SEMA3D: variants seen among roughly 807,000 people sequenced by gnomAD.
SEMA3D encodes semaphorin-3D.
SEMA3D carries 84 observed loss-of-function variants against 100.1 expected under a neutral mutation model. That is an observed-to-expected ratio of 0.84 (90% CI 0.70 to 1.01). The LOEUF (loss-of-function observed/expected upper bound fraction) is 1.01, where lower values mean the gene tolerates loss of function less well. Among genes scored for constraint, SEMA3D ranks in the 50% least tolerant of loss-of-function variants. The pLI is 0.00. For synonymous variants in SEMA3D, 312 were observed against 320.7 expected, an observed-to-expected ratio of 0.97 and a Z score of 0.29; for missense variants, 875 against 934.1, an observed-to-expected ratio of 0.94 and a Z score of 0.82.
the SEMA3D span, among the ~76,000 whole-genome samples, chr7:85,249,024 A>C: frequency 1.4e-4 from 21 of 152,312 alleles, no homozygotes; most frequent in African/African-American, 5.1e-4. Flanking sequence ...GTTGTAACAA[A>C]TGTACCACTC....
At chr7:85,074,753 A>G (rs1411028927) in intron 5 of SEMA3D, among the ~76,000 whole-genome samples, 1 of 151,860 alleles carries the variant, frequency 6.6e-6, no homozygotes, top group East Asian at 1.9e-4. Flanking sequence ...AGTAGCTGGA[A>G]CTACAGGTGC....
At chr7:85,244,024 A>G in the SEMA3D span, among the ~76,000 whole-genome samples, 2 of 152,174 alleles carry the variant, frequency 1.3e-5, no homozygotes, top group African/African-American at 4.8e-5. Flanking sequence ...ATGTTGTCTT[A>G]GTCCATTTAG....
chr7:85,081,479 A>C (rs747330175), intron 5 of SEMA3D, 38 bp downstream of exon 5: 1 of 1,311,430 alleles, frequency 7.6e-7, no homozygotes, highest in Non-Finnish European at 1.1e-6. Flanking sequence ...ATATCAGTAG[A>C]AGTTTTACAA....
rs1419906406 is a variant in SEMA3D at position 85,055,639 on chromosome 7, CATATACATATATATATAT to C, written c.861+60_861+77del. The C allele has an allele frequency of 1.1e-4, 18 of 164,922 alleles. 1 individual carries two copies. Among genetic ancestry groups the C allele is most frequent in the African/African-American group, 7.2e-4 (13 of 18,050 alleles). 10.2% of individuals were successfully genotyped at this position (164,922 alleles called of 1,614,324 possible). ...GGCTTAAACCTTGCCAAAGTTTTTT[CATATACATATATATATAT>C]ATATATATATATATATATATATATA... On this transcript the variant is annotated intron_variant, in intron 9 of 18. Transcript: ENST00000284136.
the SEMA3D span, among the ~76,000 whole-genome samples, chr7:85,229,535 C>T: frequency 4.6e-5 from 7 of 151,774 alleles, no homozygotes; most frequent in Admixed American, 3.9e-4. Context: ...GGCTAAACTC[C>T]AAAAATTACA....
At chr7:85,140,149 A>T in intron 2 of SEMA3D, 1 of 374,330 alleles carries the variant, frequency 2.7e-6, no homozygotes, top group Non-Finnish European at 3.7e-6. Flanking sequence ...TAGCATATTT[A>T]CTAATATTAA....
rs144211526 is a variant in SEMA3D at position 85,183,579 on chromosome 7, G to T, written c.-173+3099C>A. On this transcript the variant is annotated intron_variant, in intron 1 of 18. Transcript: ENST00000284136. ...TAGTCTTCCCCACACATAAAAGAGA[G>T]ATTACAAATTCAGTTTTTCTTTGTG... 1.4e-4 allele frequency among the ~76,000 whole-genome samples: 22 copies of T among 152,226 alleles called. No individual in the cohort carries two copies. The East Asian group carries it at 3.7e-3, about 25-fold the overall frequency.
chr7:85,147,102 T>TTTTTC (rs1790236152), intron 2 of SEMA3D, among the ~76,000 whole-genome samples: 1 of 123,982 alleles, frequency 8.1e-6, no homozygotes, highest in African/African-American at 3.3e-5. Context: ...CTTTTTTTTT[T>TTTTTC]TTTTTTTTTT....
chr7:85,228,363 A>T, the SEMA3D span, among the ~76,000 whole-genome samples: 1 of 152,126 alleles, frequency 6.6e-6, no homozygotes, highest in Non-Finnish European at 1.5e-5. Flanking sequence ...TGGTAATTTC[A>T]TTTTCATTTT....
chr7:85,022,150 T>A (rs887100637), intron 13 of SEMA3D, among the ~76,000 whole-genome samples: 1 of 151,866 alleles, frequency 6.6e-6, no homozygotes, highest in African/African-American at 2.4e-5. Context: ...AAATATGTAT[T>A]GAGCATGTAA....
chr7:85,101,089 T>C (rs891750649), intron 3 of SEMA3D, among the ~76,000 whole-genome samples: 9 of 151,944 alleles, frequency 5.9e-5, no homozygotes, highest in African/African-American at 2.4e-5. Flanking sequence ...GATTGTAAAG[T>C]AGAACTGAGA....
upstream of SEMA3D, among the ~76,000 whole-genome samples, chr7:85,189,926 G>C (rs1284122115): frequency 6.6e-6 from 1 of 152,102 alleles, no homozygotes; most frequent in Non-Finnish European, 1.5e-5. Context: ...TCTAATTGTA[G>C]AATTTCAGTA....
intron 12 of SEMA3D, chr7:85,028,573 C>T: frequency 3.5e-6 from 1 of 282,144 alleles, no homozygotes; most frequent in Non-Finnish European, 6.8e-6. Context: ...AGTTATAGTG[C>T]ACACATGGAA....
In SEMA3D at chr7:84,995,611, A is replaced by G. The variant is rs1047093550; in HGVS notation, c.*3829T>C. 9 of 152,088 alleles carry G rather than the reference A, an allele frequency of 5.9e-5. No homozygotes were observed. Among genetic ancestry groups the G allele is most frequent in the Non-Finnish European group, 5.9e-5 (4 of 67,944 alleles). The allele number at this position is 152,088 out of a possible 1,614,324, so 9.4% of individuals were successfully genotyped here. A position where few individuals can be genotyped will look rare whatever the true frequency, so the allele number is the denominator to read the frequency against. ...TTATTATAATACAACCAAAATATAC[A>G]TTTAACAATTTTTAATTATTTCATA... On this transcript the variant is annotated 3_prime_UTR_variant, in exon 19 of 19. Coordinates refer to ENST00000284136, the MANE Select transcript of SEMA3D (RefSeq NM_001384900.1).
At chr7:85,146,017 AT>A (rs950057049) in intron 2 of SEMA3D, among the ~76,000 whole-genome samples, 11 of 150,780 alleles carry the variant, frequency 7.3e-5, no homozygotes, top group African/African-American at 1.7e-4. Context: ...AACTTCAGAT[AT>A]TTTTTTTCCC....
chr7:85,150,451 T>C (rs941973454), intron 2 of SEMA3D, among the ~76,000 whole-genome samples: 31 of 142,640 alleles, frequency 2.2e-4, no homozygotes, highest in Admixed American at 7.2e-4. Flanking sequence ...GATATATATA[T>C]ACACACACAC....
chr7:85,185,480 G>T (rs1295046645), intron 1 of SEMA3D, among the ~76,000 whole-genome samples: 1 of 152,174 alleles, frequency 6.6e-6, no homozygotes, highest in Admixed American at 6.5e-5. Context: ...TGGGGTTTTG[G>T]TGATGAAATA....
chr7:85,188,821 C>T (rs890201789), upstream of SEMA3D, among the ~76,000 whole-genome samples: 3 of 152,154 alleles, frequency 2.0e-5, no homozygotes, highest in Non-Finnish European at 4.4e-5. Context: ...AAAGCCCTTA[C>T]AGAATTAATC....
At chr7:85,119,574 C>A (rs1254093349) in intron 3 of SEMA3D, among the ~76,000 whole-genome samples, 1 of 151,948 alleles carries the variant, frequency 6.6e-6, no homozygotes, top group African/African-American at 2.4e-5. Context: ...CACGTGGACA[C>A]CTAGAGGGGA....
Sources: allele counts gnomAD v4.1 joint callset (sites outside exome capture counted in the v4.1 genomes callset), GRCh38; gene constraint gnomAD v4.1.1; transcripts MANE v1.5; gene names NCBI Gene and HGNC (gene_info 2026-07-23, HGNC 2026-07-21).